The following RAB6A variants were observed in gnomAD, a reference collection of about 807,000 sequenced individuals.
RAB6A encodes RAB6A, member RAS oncogene family, also known as ras-related protein Rab-6A.
In RAB6A, 8 loss-of-function variants were observed where a neutral mutation model predicts 32.3. The ratio of observed to expected loss-of-function variants is 0.25; its 90% CI spans 0.15 to 0.45. RAB6A has a LOEUF of 0.45. Among genes scored for constraint, RAB6A ranks in the 20% least tolerant of loss-of-function variants. RAB6A has a pLI of 1.00. For missense variants in RAB6A, 104 were observed against 249.4 expected (o/e 0.42, Z 3.93); for synonymous variants, 73 against 82.1 (o/e 0.89, Z 0.60).
At position 73,760,720 on chromosome 11, in the gene RAB6A, C is replaced by T; in HGVS notation, c.-85G>A. On this transcript the variant is annotated 5_prime_UTR_variant, in exon 1 of 8. Coordinates refer to ENST00000336083, the MANE Select transcript of RAB6A (RefSeq NM_198896.2). ...CCAGCCAGCTGACGAAAAAGGCGAG[C>T]GGAAGGGCGGGCACCGAGCTCTCTC... 6.5e-7 allele frequency: 1 copy of T among 1,533,780 alleles called. No homozygotes were observed. Among genetic ancestry groups the T allele is most frequent in the Non-Finnish European group, 8.8e-7 (1 of 1,133,954 alleles).
rs1043234 is a variant in RAB6A, at chr11:73,760,716, C to A, written c.-81G>T. 0.12 allele frequency: 187,852 copies of A among 1,539,576 alleles called. 13,012 individuals are homozygous for A. The highest frequency in any genetic ancestry group is 0.28 in the South Asian group (23,502 of 83,846). ...TGCTCCAGCCAGCTGACGAAAAAGGCGAGCGGAAGGGCGGGCACCGAGCTC... is the reference window on the plus strand; with the variant it reads ...TGCTCCAGCCAGCTGACGAAAAAGGAGAGCGGAAGGGCGGGCACCGAGCTC... On this transcript the variant is annotated 5_prime_UTR_variant, in exon 1 of 8. Transcript: ENST00000336083.
chr11:73,693,291 A>AAAATAAATAAATAAAT (rs3046617), intron 6 of RAB6A, among the ~76,000 whole-genome samples: 56 of 151,032 alleles, frequency 3.7e-4, no homozygotes, highest in African/African-American at 1.1e-3. Context: ...CCGTCTCCAA[A>AAAATAAATAAATAAAT]AAATAAATAA....
At chr11:73,703,817 C>A (rs1945787531) in intron 6 of RAB6A, among the ~76,000 whole-genome samples, 1 of 151,962 alleles carries the variant, frequency 6.6e-6, no homozygotes, top group African/African-American at 2.4e-5. Context: ...CGCCTGTATA[C>A]CCAGCACTTT....
chr11:73,726,422 A>C (rs1320736410), intron 2 of RAB6A, among the ~76,000 whole-genome samples: 1 of 151,440 alleles, frequency 6.6e-6, no homozygotes, highest in Non-Finnish European at 1.5e-5. Context: ...CTCTACTAAA[A>C]ATACAAAAAA....
chr11:73,731,061 CTGT>C (rs1250348091), intron 1 of RAB6A, among the ~76,000 whole-genome samples: 4 of 152,182 alleles, frequency 2.6e-5, no homozygotes, highest in Admixed American at 6.5e-5. Context: ...TGAAAACATT[CTGT>C]TATTATATAC....
intron 1 of RAB6A, among the ~76,000 whole-genome samples, chr11:73,756,737 G>T (rs540983422): frequency 6.6e-6 from 1 of 152,126 alleles, no homozygotes; most frequent in South Asian, 2.1e-4. Context: ...AGTGCAGTGG[G>T]GCAATCTCAG....
chr11:73,713,057 C>A lies in RAB6A; in HGVS notation c.401+3194G>T, dbSNP rs115581955. On this transcript the variant is annotated intron_variant, in intron 5 of 7. Coordinates refer to ENST00000336083, the MANE Select transcript of RAB6A (RefSeq NM_198896.2). ...TTAATATAAATAGGGTCATCTTGTT[C>A]ATCTTATCTTATAACTTCAGAGGTG... Among the ~76,000 whole-genome samples the A allele has an allele frequency of 8.5e-3, 1,287 of 152,168 alleles. 18 individuals carry two copies. The highest frequency in any genetic ancestry group is 0.029 in the African/African-American group (1,202 of 41,522).
intron 6 of RAB6A, among the ~76,000 whole-genome samples, chr11:73,693,854 A>C (rs1945615079): frequency 6.6e-6 from 1 of 151,370 alleles, no homozygotes; most frequent in Non-Finnish European, 1.5e-5. Flanking sequence ...CTCCAGCTTG[A>C]GACTGTTTCA....
At chr11:73,758,409 G>A (rs1424693569) in intron 1 of RAB6A, among the ~76,000 whole-genome samples, 2 of 150,378 alleles carry the variant, frequency 1.3e-5, no homozygotes, top group East Asian at 1.9e-4. Context: ...TTGATAACAG[G>A]GGAAACTAGA....
At chr11:73,711,342 A>C (rs1285893136) in intron 5 of RAB6A, among the ~76,000 whole-genome samples, 1 of 152,184 alleles carries the variant, frequency 6.6e-6, no homozygotes, top group Non-Finnish European at 1.5e-5. Flanking sequence ...TTCTCTCTTA[A>C]GTAAACTGTA....
chr11:73,727,978 TA>T (rs1245809634), intron 2 of RAB6A, among the ~76,000 whole-genome samples: 1 of 152,218 alleles, frequency 6.6e-6, no homozygotes, highest in Non-Finnish European at 1.5e-5. Flanking sequence ...TTTCTTTTTT[TA>T]ACTTAAAATT....
intron 6 of RAB6A, among the ~76,000 whole-genome samples, chr11:73,699,502 C>T (rs921789525): frequency 2.6e-5 from 4 of 151,702 alleles, no homozygotes; most frequent in African/African-American, 9.7e-5. Flanking sequence ...CAAGGCTGGT[C>T]TCAAACACCT....
At chr11:73,717,739 C>T (rs1472916978) in intron 4 of RAB6A, among the ~76,000 whole-genome samples, 1 of 152,198 alleles carries the variant, frequency 6.6e-6, no homozygotes, top group African/African-American at 2.4e-5. Context: ...CCACTGTGCC[C>T]GGCCTAAACC....
At chr11:73,691,612 A>G (rs1053495732) in intron 6 of RAB6A, among the ~76,000 whole-genome samples, 3 of 152,226 alleles carry the variant, frequency 2.0e-5, no homozygotes, top group African/African-American at 7.2e-5. Context: ...CATGCAGTAG[A>G]TATTTTTCAA....
intron 1 of RAB6A, among the ~76,000 whole-genome samples, chr11:73,758,887 A>C (rs1368338872): frequency 6.6e-6 from 1 of 152,206 alleles, no homozygotes; most frequent in African/African-American, 2.4e-5. Context: ...CATAGGTTCT[A>C]CCAAGTTACT....
chr11:73,744,416 GA>G (rs1946548796), intron 1 of RAB6A, among the ~76,000 whole-genome samples: 1 of 146,658 alleles, frequency 6.8e-6, no homozygotes, highest in South Asian at 2.2e-4. Flanking sequence ...GAGGCTGAGG[GA>G]GGAGTATCAC....
intron 6 of RAB6A, among the ~76,000 whole-genome samples, chr11:73,704,889 G>A (rs910590807): frequency 1.7e-4 from 26 of 151,570 alleles, no homozygotes; most frequent in East Asian, 1.2e-3. Context: ...CCAGCTGCTC[G>A]GGAGGCTGAG....
chr11:73,758,356 AGTTC>A (rs1266147113), intron 1 of RAB6A, among the ~76,000 whole-genome samples: 1 of 152,246 alleles, frequency 6.6e-6, no homozygotes, highest in African/African-American at 2.4e-5. Flanking sequence ...TATCAATATT[AGTTC>A]ATTAATTGTT....
At chr11:73,723,664 T>G (rs1946175270) in intron 2 of RAB6A, among the ~76,000 whole-genome samples, 1 of 152,116 alleles carries the variant, frequency 6.6e-6, no homozygotes, top group Non-Finnish European at 1.5e-5. Context: ...CTAGGCACCA[T>G]CATTAGCAGC....
Sources: gnomAD v4.1 joint callset for allele counts (sites outside exome capture counted in the v4.1 genomes callset) on GRCh38, gnomAD v4.1.1 for gene constraint, MANE v1.5 for transcripts, NCBI Gene and HGNC (gene_info 2026-07-23, HGNC 2026-07-21) for gene names.